The following TRIM24 variants were observed in gnomAD, a reference collection of about 807,000 sequenced individuals.
The protein encoded by TRIM24 is tripartite motif containing 24.
Under a neutral mutation model 123.9 loss-of-function variants are expected in TRIM24, and 29 were observed. The observed-to-expected ratio is 0.23, with a 90% CI of 0.17 to 0.32. The LOEUF (loss-of-function observed/expected upper bound fraction) is 0.32. Among genes scored for constraint, TRIM24 ranks in the 10% least tolerant of loss-of-function variants. The probability of loss-of-function intolerance (pLI) is 1.00; values close to 1 mark genes in which losing one functional copy is unlikely to be tolerated. For synonymous variants in TRIM24, 456 were observed against 461.1 expected (o/e 0.99, Z 0.14); for missense variants, 932 against 1,295.3 (o/e 0.72, Z 4.31).
At chr7:138,571,367 G>T (rs1305965234) in intron 11 of TRIM24, among the ~76,000 whole-genome samples, 1 of 152,120 alleles carries the variant, frequency 6.6e-6, no homozygotes, top group Non-Finnish European at 1.5e-5. Context: ...TAGGTTGTTT[G>T]TTTTTACAAG....
chr7:138,560,538 G>T (rs1015579582), intron 9 of TRIM24, among the ~76,000 whole-genome samples: 1 of 152,196 alleles, frequency 6.6e-6, no homozygotes, highest in Non-Finnish European at 1.5e-5. Flanking sequence ...GGCCGAGTGG[G>T]CCCTTGCCGT....
intron 9 of TRIM24, among the ~76,000 whole-genome samples, chr7:138,563,920 G>A (rs1476837239): frequency 2.6e-5 from 4 of 152,122 alleles, no homozygotes; most frequent in African/African-American, 9.7e-5. Flanking sequence ...CTGGAAACTG[G>A]CCCTGAGTGT....
At chr7:138,471,717 T>A (rs1795276475) in intron 1 of TRIM24, among the ~76,000 whole-genome samples, 1 of 151,992 alleles carries the variant, frequency 6.6e-6, no homozygotes, top group Non-Finnish European at 1.5e-5. Flanking sequence ...ATTTTTGTAT[T>A]TTTAGTAGAG....
chr7:138,528,846 A>T (rs559720709), intron 5 of TRIM24, among the ~76,000 whole-genome samples: 1 of 130,630 alleles, frequency 7.7e-6, no homozygotes, highest in South Asian at 2.4e-4. Context: ...AATTTTTCCA[A>T]ACCATATTTT....
chr7:138,520,473 T>G (rs182184197), intron 4 of TRIM24, among the ~76,000 whole-genome samples: 2 of 152,212 alleles, frequency 1.3e-5, no homozygotes, highest in East Asian at 3.9e-4. Flanking sequence ...TTCACAGAAT[T>G]AGAAATAACC....
chr7:138,476,120 A>G (rs745377074), intron 1 of TRIM24, among the ~76,000 whole-genome samples: 1 of 152,228 alleles, frequency 6.6e-6, no homozygotes, highest in African/African-American at 2.4e-5. Context: ...CCTAAAATCC[A>G]TCTCAGTTCA....
chr7:138,514,555 T>C (rs1796357726), intron 2 of TRIM24: 1 of 152,226 alleles, frequency 6.6e-6, no homozygotes, highest in Admixed American at 6.5e-5. Flanking sequence ...TTGTACATGC[T>C]GTTCTCTCTT....
At chr7:138,501,131 C>T (rs1720386628) in intron 1 of TRIM24, among the ~76,000 whole-genome samples, 1 of 152,130 alleles carries the variant, frequency 6.6e-6, no homozygotes, top group Non-Finnish European at 1.5e-5. Context: ...TTGTTTACAC[C>T]AGCATCACCC....
At chr7:138,480,883 C>T (rs370264915) in intron 1 of TRIM24, among the ~76,000 whole-genome samples, 1 of 152,112 alleles carries the variant, frequency 6.6e-6, no homozygotes, top group Admixed American at 6.6e-5. Context: ...GAGCACTTTC[C>T]ATATCCATCA....
intron 11 of TRIM24, 108 bp from the exon 12 acceptor site, chr7:138,573,394 ATGTTT>A: frequency 1.0e-6 from 1 of 997,722 alleles, no homozygotes; most frequent in Non-Finnish European, 1.4e-6. Context: ...TGTGGTATCT[ATGTTT>A]TGTTATTCGA....
chr7:138,577,328 A>T (rs1797780997), intron 13 of TRIM24, 92 bp from the exon 14 acceptor site: 1 of 1,018,268 alleles, frequency 9.8e-7, no homozygotes, highest in South Asian at 2.3e-5. Flanking sequence ...TGTTGTGAAG[A>T]TACAGTATTT....
At chr7:138,477,171 G>A (rs1795422390) in intron 1 of TRIM24, among the ~76,000 whole-genome samples, 1 of 151,844 alleles carries the variant, frequency 6.6e-6, no homozygotes, top group South Asian at 2.1e-4. Context: ...AATAAACAAC[G>A]GAGGCCAGGC....
chr7:138,576,324 T>C lies in TRIM24; in HGVS notation c.2015-49T>C, dbSNP rs750445497. 4.6e-6 allele frequency: 7 copies of C among 1,534,800 alleles called. No homozygotes were observed. In the East Asian group the frequency reaches 1.6e-4, roughly 35 times the overall value. On this transcript the variant is annotated intron_variant, in intron 12 of 18. Transcript: ENST00000343526. ...GTGAACACATTCAACAGGACTTCAA[T>C]GCATAATTATTCATTCGTTTTATGA...
chr7:138,500,230 A>G (rs1451759645), intron 1 of TRIM24, among the ~76,000 whole-genome samples: 1 of 152,200 alleles, frequency 6.6e-6, no homozygotes, highest in Non-Finnish European at 1.5e-5. Context: ...TTCACATCTC[A>G]AAACCCAAAA....
At chr7:138,549,136 C>T (rs1199663034) in intron 7 of TRIM24, among the ~76,000 whole-genome samples, 2 of 152,208 alleles carry the variant, frequency 1.3e-5, no homozygotes, top group African/African-American at 4.8e-5. Flanking sequence ...ACCATAAACA[C>T]TTGAGTAATG....
chr7:138,584,807 C>T lies in TRIM24; in HGVS notation c.3009C>T (p.Asn1003=), dbSNP rs145851335. Residue 1003 remains asparagine, a synonymous_variant, in exon 19 of 19, where the codon AAC becomes AAT. Coordinates refer to ENST00000343526, the MANE Select transcript of TRIM24 (RefSeq NM_015905.3). The part of the protein sequence containing the change: ...LENYFEELLK[N]LYPEKRFPKP... The stretch of plus-strand genomic sequence containing the variant: ...ATTATTTTGAAGAACTTCTAAAGAA[C>T]CTCTATCCAGAAAAAAGGTTTCCCA... 5.1e-5 allele frequency: 83 copies of T among 1,613,288 alleles called. No homozygotes were observed. The African/African-American group carries it at 1.0e-3, about 20-fold the overall frequency.
intron 17 of TRIM24, 25 bp downstream of exon 17, chr7:138,581,796 A>T: frequency 1.9e-6 from 3 of 1,563,040 alleles, no homozygotes; most frequent in Non-Finnish European, 2.6e-6. Context: ...CATTTTCTGC[A>T]TGTTTACACA....
Position 138,529,000 on chromosome 7 carries a change from C to G in TRIM24, c.882-116C>G, listed in dbSNP as rs145005310. 2,039 of 480,050 alleles carry G rather than the reference C, an allele frequency of 4.2e-3. 41 individuals carry two copies. In the East Asian group the frequency reaches 0.047, roughly 11 times the overall value. The allele number at this position is 480,050 out of a possible 1,614,324, so 29.7% of individuals were successfully genotyped here. ...GACAGTCAATTTAAAGTGAAGGACT[C>G]AGAAATAGAGCTTCTAAGGGCTGAA... On this transcript the variant is annotated intron_variant, in intron 5 of 18. Coordinates refer to ENST00000343526, the MANE Select transcript of TRIM24 (RefSeq NM_015905.3).
chr7:138,582,578 G>T (rs186023737), intron 17 of TRIM24, among the ~76,000 whole-genome samples: 3 of 150,350 alleles, frequency 2.0e-5, no homozygotes, highest in African/African-American at 7.4e-5. Flanking sequence ...TGACTTTAAC[G>T]CATAATTTTA....
Sources: gnomAD v4.1 joint callset for allele counts (sites outside exome capture counted in the v4.1 genomes callset) on GRCh38, gnomAD v4.1.1 for gene constraint, MANE v1.5 for transcripts, NCBI Gene and HGNC (gene_info 2026-07-23, HGNC 2026-07-21) for gene names.